Variants in SBK1 observed in about 807,000 individuals in gnomAD.
SBK1 encodes the protein serine/threonine-protein kinase SBK1.
In SBK1, 11 loss-of-function variants were observed where a neutral mutation model predicts 24.4. The ratio of observed to expected loss-of-function variants is 0.45; its 90% CI spans 0.28 to 0.75. The LOEUF (loss-of-function observed/expected upper bound fraction) is 0.75, where lower values mean the gene tolerates loss of function less well. Among genes scored for constraint, SBK1 ranks in the 30% least tolerant of loss-of-function variants. The pLI is 0.12. For synonymous variants in SBK1, 308 were observed against 284.4 expected (o/e 1.08, Z -0.83); for missense variants, 467 against 620.5 (o/e 0.75, Z 2.63).
chr16:28,264,927 AG>A (rs939747738), intron 1 of SBK1, among the ~76,000 whole-genome samples: 7 of 152,048 alleles, frequency 4.6e-5, no homozygotes, highest in African/African-American at 1.7e-4. Context: ...TCGCGAGGAG[AG>A]GGGGCGTGGT....
intron 1 of SBK1, among the ~76,000 whole-genome samples, chr16:28,272,377 C>T (rs150489291): frequency 1.5e-3 from 234 of 152,032 alleles, no homozygotes; most frequent in African/African-American, 5.3e-3. Flanking sequence ...AGTTACACAG[C>T]AGCTCTTTAG....
intron 1 of SBK1, among the ~76,000 whole-genome samples, chr16:28,306,919 C>G (rs1209407646): frequency 6.6e-6 from 1 of 152,214 alleles, no homozygotes; most frequent in Non-Finnish European, 1.5e-5. Flanking sequence ...ATTTTACAGG[C>G]ACAGAGACTG....
chr16:28,315,623 T>C (rs1441719977), intron 1 of SBK1, among the ~76,000 whole-genome samples: 1 of 152,094 alleles, frequency 6.6e-6, no homozygotes, highest in Non-Finnish European at 1.5e-5. Context: ...CAGCCAGATG[T>C]GGTGGCGCAT....
At chr16:28,289,922 C>CA (rs553592929), upstream of SBK1, among the ~76,000 whole-genome samples, 84 of 151,512 alleles carry the variant, frequency 5.5e-4, 1 homozygote, top group Non-Finnish European at 1.0e-3. Context: ...CCCATCTCTA[C>CA]AAAAAATACA....
chr16:28,306,907 C>T (rs1188587459), intron 1 of SBK1, among the ~76,000 whole-genome samples: 2 of 152,200 alleles, frequency 1.3e-5, no homozygotes, highest in Non-Finnish European at 2.9e-5. Context: ...ATCATTAGCC[C>T]CATTTTACAG....
chr16:28,282,626 G>GTGAATGAATGAATGAATGAATGAA (rs774095552), intron 1 of SBK1, among the ~76,000 whole-genome samples: 3,215 of 150,112 alleles, frequency 0.021, 48 homozygotes, highest in Middle Eastern at 0.041. Context: ...GGGAACAAGT[G>GTGAATGAATGAATGAATGAATGAA]TGAATGAATG....
intron 1 of SBK1, among the ~76,000 whole-genome samples, chr16:28,313,156 G>A (rs1401949152): frequency 5.9e-5 from 9 of 152,086 alleles, no homozygotes; most frequent in East Asian, 3.9e-4. Context: ...TTATCTGGGC[G>A]TGGTGGCACG....
intron 1 of SBK1, among the ~76,000 whole-genome samples, chr16:28,312,825 C>A (rs1478692980): frequency 6.6e-6 from 1 of 152,218 alleles, no homozygotes; most frequent in East Asian, 1.9e-4. Context: ...CAAGGTGAGA[C>A]CCCATCTCTA....
chr16:28,295,318 G>A (rs1352584448), intron 1 of SBK1, among the ~76,000 whole-genome samples: 1 of 152,048 alleles, frequency 6.6e-6, no homozygotes. Context: ...CATCTCCTCC[G>A]TGTCCTCTAA....
At chr16:28,267,535 A>G (rs1038181010) in intron 1 of SBK1, among the ~76,000 whole-genome samples, 1 of 152,250 alleles carries the variant, frequency 6.6e-6, no homozygotes, top group Non-Finnish European at 1.5e-5. Context: ...AGATTAGGAC[A>G]TGGATGTTTG....
At chr16:28,280,149 A>ATATATG (rs1230385223) in intron 1 of SBK1, among the ~76,000 whole-genome samples, 768 of 39,264 alleles carry the variant, frequency 0.02, 19 homozygotes, top group Non-Finnish European at 0.033. Context: ...ATATATATAT[A>ATATATG]TGTGTGTGTG....
At chr16:28,293,396 C>G (rs1208453551) in intron 1 of SBK1, 96 bp downstream of exon 1, 1 of 598,656 alleles carries the variant, frequency 1.7e-6, no homozygotes, top group Admixed American at 6.3e-5. Context: ...GCGCGCTCCC[C>G]CTTCCCCAGC....
At chr16:28,295,340 C>T (rs961460771) in intron 1 of SBK1, among the ~76,000 whole-genome samples, 2 of 152,146 alleles carry the variant, frequency 1.3e-5, no homozygotes, top group African/African-American at 2.4e-5. Context: ...TCTCTGCCTC[C>T]GTCACGTGCT....
intron 1 of SBK1, among the ~76,000 whole-genome samples, chr16:28,298,476 A>T (rs1360544229): frequency 6.6e-6 from 1 of 152,116 alleles, no homozygotes; most frequent in Non-Finnish European, 1.5e-5. Flanking sequence ...GCCCACCTCC[A>T]CCATTCTCTG....
intron 1 of SBK1, among the ~76,000 whole-genome samples, chr16:28,261,052 C>T (rs8056259): frequency 0.27 from 41,252 of 151,818 alleles, 5,742 homozygotes; most frequent in South Asian, 0.36. Flanking sequence ...AGGGCCAGAT[C>T]ACAGAGGGCC....
Position 28,312,411 on chromosome 16 carries a change from G to A in SBK1, c.-7-4974G>A, listed in dbSNP as rs150315293. ...TCCAAGCCTGAGACCAGGGAAAGAC[G>A]ATCACGCGGAGATGTCGCCCCATGT... On this transcript the variant is annotated intron_variant, in intron 1 of 3. Coordinates refer to ENST00000341901, the MANE Select transcript of SBK1 (RefSeq NM_001024401.3). Among the ~76,000 whole-genome samples, 9 of 152,310 alleles carry A rather than the reference G, an allele frequency of 5.9e-5. No homozygotes were observed. The East Asian group carries it at 9.7e-4, about 16-fold the overall frequency.
rs2044824545 is a variant in SBK1, at chr16:28,319,743, C to T, written c.430-333C>T. Reference sequence around the variant, plus strand: ...GAGCCCCGTTCTAGTTGGGGAAGACCGACGAGATAAGTATCTAGCAGGCAG... The same window carrying T: ...GAGCCCCGTTCTAGTTGGGGAAGACTGACGAGATAAGTATCTAGCAGGCAG... On this transcript the variant is annotated intron_variant, in intron 3 of 3. Coordinates refer to ENST00000341901, the MANE Select transcript of SBK1 (RefSeq NM_001024401.3). This position sits in a 1 kb window ranked among gnomAD's most constrained non-coding sequence, Gnocchi z 4.0. 6.6e-6 allele frequency among the ~76,000 whole-genome samples: 1 copy of T among 152,038 alleles called. No homozygotes were observed. The highest frequency in any genetic ancestry group is 2.1e-4 in the South Asian group (1 of 4,806).
intron 1 of SBK1, among the ~76,000 whole-genome samples, chr16:28,281,617 A>T (rs12446365): frequency 9.9e-5 from 15 of 152,262 alleles, no homozygotes; most frequent in African/African-American, 3.6e-4. Context: ...CGTGGGTTCA[A>T]GTCCCAGCTA....
At chr16:28,303,480 T>TTTTTTC (rs1401087135) in intron 1 of SBK1, among the ~76,000 whole-genome samples, 3 of 151,542 alleles carry the variant, frequency 2.0e-5, no homozygotes, top group Non-Finnish European at 4.4e-5. Flanking sequence ...TCACTATTTC[T>TTTTTTC]TTTTTCTTTT....
Sources: allele counts gnomAD v4.1 joint callset (sites outside exome capture counted in the v4.1 genomes callset), GRCh38; gene constraint gnomAD v4.1.1; non-coding constraint Gnocchi (gnomAD v3.1); transcripts MANE v1.5; gene names NCBI Gene and HGNC (gene_info 2026-07-23, HGNC 2026-07-21).